The following FNDC3B variants were observed in gnomAD, a reference collection of about 807,000 sequenced individuals.
FNDC3B encodes fibronectin type III domain-containing protein 3B.
A neutral mutation model predicts 151.5 loss-of-function variants in FNDC3B; 12 were observed. The ratio of observed to expected loss-of-function variants is 0.08; its 90% CI spans 0.05 to 0.13. The LOEUF is 0.13. Ranked by LOEUF, FNDC3B falls within the 10% of genes least tolerant of loss-of-function variation. The probability of loss-of-function intolerance (pLI) is 1.00; values close to 1 mark genes in which losing one functional copy is unlikely to be tolerated. For synonymous variants in FNDC3B, 528 were observed against 549.0 expected, an observed-to-expected ratio of 0.96 and a Z score of 0.54; for missense variants, 1,214 against 1,505.3, an observed-to-expected ratio of 0.81 and a Z score of 3.20.
intron 3 of FNDC3B, among the ~76,000 whole-genome samples, chr3:172,167,471 A>G (rs2108628457): frequency 6.6e-6 from 1 of 152,348 alleles, no homozygotes; most frequent in East Asian, 1.9e-4. Flanking sequence ...AGTATAAACC[A>G]TGGTGCCCTG....
intron 3 of FNDC3B, chr3:172,134,376 T>C (rs761033697): frequency 1.9e-6 from 1 of 518,516 alleles, no homozygotes; most frequent in Non-Finnish European, 3.8e-6. Flanking sequence ...AAAGGCACTG[T>C]TTATGATAGC....
At chr3:172,199,925 T>C (rs9853317) in intron 3 of FNDC3B, among the ~76,000 whole-genome samples, 138,522 of 152,290 alleles carry the variant, frequency 0.91, 63,310 homozygotes, top group African/African-American at 0.95. Context: ...ATATGGTGGG[T>C]TCTCTGCGCG....
rs1185581117 is a variant in FNDC3B, at chr3:172,255,590, A to G, written c.790+4049A>G. Among the ~76,000 whole-genome samples the G allele has an allele frequency of 4.6e-5, 7 of 152,290 alleles. No homozygotes were observed. In the East Asian group the frequency reaches 1.4e-3, roughly 29 times the overall value. On this transcript the variant is annotated intron_variant, in intron 6 of 25. Transcript: ENST00000415807. ...TGGCAAATTTTTTTGTATTCTTAGT[A>G]AAGGCGGGGTTTTGCCATGTTGGCC...
intron 3 of FNDC3B, among the ~76,000 whole-genome samples, chr3:172,175,640 A>T (rs988843107): frequency 1.3e-5 from 2 of 152,232 alleles, no homozygotes; most frequent in African/African-American, 2.4e-5. Flanking sequence ...TTTGATGTAG[A>T]TTCTGCCCTT....
At chr3:172,049,268 C>G (rs1716516239) in intron 1 of FNDC3B, among the ~76,000 whole-genome samples, 4 of 152,068 alleles carry the variant, frequency 2.6e-5, no homozygotes, top group Admixed American at 2.6e-4. Context: ...GGAGATTTCC[C>G]TAGGCCATTT....
intron 3 of FNDC3B, among the ~76,000 whole-genome samples, chr3:172,158,437 T>C (rs551033129): frequency 7.2e-5 from 11 of 152,342 alleles, no homozygotes; most frequent in Admixed American, 3.9e-4. Context: ...AATGTGCTTA[T>C]TTGCCTTCCG....
intron 11 of FNDC3B, among the ~76,000 whole-genome samples, chr3:172,318,441 A>G (rs977551342): frequency 1.2e-4 from 18 of 152,232 alleles, no homozygotes; most frequent in Admixed American, 9.2e-4. Flanking sequence ...AGATCAATTA[A>G]TCAGACTCCT....
At chr3:172,067,830 C>T (rs1406607505) in intron 1 of FNDC3B, among the ~76,000 whole-genome samples, 1 of 152,196 alleles carries the variant, frequency 6.6e-6, no homozygotes, top group Non-Finnish European at 1.5e-5. Flanking sequence ...TGCCACTTAA[C>T]CTGCAAGACT....
At chr3:172,335,135 T>G (rs1240494535) in intron 15 of FNDC3B, 53 bp downstream of exon 15, 1 of 1,495,172 alleles carries the variant, frequency 6.7e-7, no homozygotes, top group African/African-American at 1.4e-5. Context: ...TTTTGATAGA[T>G]TTTTAAAAAA....
intron 3 of FNDC3B, among the ~76,000 whole-genome samples, chr3:172,157,363 T>C (rs1260555131): frequency 1.3e-5 from 2 of 152,146 alleles, no homozygotes; most frequent in African/African-American, 4.8e-5. Context: ...GGAAGTTCCA[T>C]GTATCTTTCA....
intron 1 of FNDC3B, among the ~76,000 whole-genome samples, chr3:172,058,719 A>G (rs1431527895): frequency 1.3e-5 from 2 of 152,206 alleles, no homozygotes. Flanking sequence ...GCAGACATTC[A>G]GTCTTTGTGT....
At chr3:172,324,090 A>G (rs921094629) in intron 11 of FNDC3B, among the ~76,000 whole-genome samples, 8 of 152,146 alleles carry the variant, frequency 5.3e-5, no homozygotes, top group African/African-American at 1.9e-4. Flanking sequence ...AGGTTTGCGC[A>G]AGGCACACTG....
intron 25 of FNDC3B, among the ~76,000 whole-genome samples, chr3:172,389,453 A>AT (rs1190764323): frequency 6.6e-6 from 1 of 152,240 alleles, no homozygotes; most frequent in East Asian, 1.9e-4. Context: ...ACATTTACAT[A>AT]TTTATACAAC....
chr3:172,240,468 G>A (rs901955499), intron 4 of FNDC3B, among the ~76,000 whole-genome samples: 6 of 152,128 alleles, frequency 3.9e-5, no homozygotes, highest in Admixed American at 6.6e-5. Flanking sequence ...AGTATTAGTT[G>A]TATCCTGAAT....
intron 21 of FNDC3B, among the ~76,000 whole-genome samples, chr3:172,351,239 G>C (rs1733836444): frequency 6.6e-6 from 1 of 152,230 alleles, no homozygotes; most frequent in Admixed American, 6.5e-5. Flanking sequence ...AGGGCTCGCT[G>C]AACAGGTGGC....
At chr3:172,175,438 A>C (rs1310353269) in intron 3 of FNDC3B, among the ~76,000 whole-genome samples, 3 of 151,188 alleles carry the variant, frequency 2.0e-5, no homozygotes, top group Admixed American at 2.0e-4. Context: ...TATTCTTTTC[A>C]CCTCTTGTTT....
In FNDC3B at chr3:172,353,013, G is replaced by C; in HGVS notation, c.2725G>C (p.Asp909His). Residue 909 changes from aspartate to histidine, a missense_variant, in exon 22 of 26, where the codon GAC becomes CAC. Around this residue, in one of 7 missense-constraint regions of FNDC3B, gnomAD observed 284 missense variants for 392.4 expected, o/e 0.72. Transcript: ENST00000415807. ...EILAYTIDLG[D>H]TSITVGNTTM... ...CCTTGCTTACACCATTGATCTAGGA[G>C]ACACTAGCATTACCGTGGGCAACAC... 6.2e-7 allele frequency: 1 copy of C among 1,614,148 alleles called. No individual in the cohort carries two copies. The highest frequency in any genetic ancestry group is 8.5e-7 in the Non-Finnish European group (1 of 1,180,022).
chr3:172,089,338 A>G (rs1718697773), intron 1 of FNDC3B, among the ~76,000 whole-genome samples: 2 of 152,100 alleles, frequency 1.3e-5, no homozygotes, highest in African/African-American at 2.4e-5. Context: ...TTACCATAGG[A>G]TTTTCTTAAA....
intron 11 of FNDC3B, among the ~76,000 whole-genome samples, chr3:172,316,958 C>T (rs2108264030): frequency 6.6e-6 from 1 of 152,246 alleles, no homozygotes; most frequent in African/African-American, 2.4e-5. Context: ...TTGCTGTGTC[C>T]TCCCATAATA....
Sources: gnomAD v4.1 joint callset for allele counts (sites outside exome capture counted in the v4.1 genomes callset) on GRCh38, gnomAD v4.1.1 for gene constraint, gnomAD v4.1.1 regional missense constraint, MANE v1.5 for transcripts, NCBI Gene and HGNC (gene_info 2026-07-23, HGNC 2026-07-21) for gene names.